Variants in ALK observed in about 807,000 individuals in gnomAD.
ALK encodes the protein ALK tyrosine kinase receptor.
ALK carries 74 observed loss-of-function variants against 163.1 expected under a neutral mutation model. The ratio of observed to expected loss-of-function variants is 0.45; its 90% confidence interval spans 0.38 to 0.55. The LOEUF (loss-of-function observed/expected upper bound fraction) is 0.55, where lower values mean the gene tolerates loss of function less well. ALK is among the 20% of genes least tolerant of loss of function. The pLI is 0.00. For synonymous variants in ALK, 960 were observed against 843.2 expected (o/e 1.14, Z -2.40); for missense variants, 2,063 against 2,105.3 (o/e 0.98, Z 0.39).
At chr2:29,780,827 G>A (rs1353994528) in intron 1 of ALK, among the ~76,000 whole-genome samples, 1 of 152,196 alleles carries the variant, frequency 6.6e-6, no homozygotes, top group Non-Finnish European at 1.5e-5. Context: ...TCATTATATG[G>A]AAACCTAAGC....
At chr2:29,743,666 C>T (rs1680124424) in intron 1 of ALK, among the ~76,000 whole-genome samples, 1 of 152,178 alleles carries the variant, frequency 6.6e-6, no homozygotes. Flanking sequence ...AATGATAAAA[C>T]ACACAGCATC....
chr2:29,434,729 A>C (rs542191271), intron 4 of ALK, among the ~76,000 whole-genome samples: 3 of 152,336 alleles, frequency 2.0e-5, no homozygotes, highest in African/African-American at 7.2e-5. Context: ...GGCATTGATC[A>C]GCCCCCAACA....
intron 4 of ALK, among the ~76,000 whole-genome samples, chr2:29,473,180 T>C (rs1258057075): frequency 6.6e-6 from 1 of 152,224 alleles, no homozygotes; most frequent in Non-Finnish European, 1.5e-5. Context: ...GAGAAGTTTG[T>C]CTTCTCTGAA....
chr2:29,592,475 G>A (rs555148082), intron 3 of ALK, among the ~76,000 whole-genome samples: 1 of 152,288 alleles, frequency 6.6e-6, no homozygotes, highest in Non-Finnish European at 1.5e-5. Context: ...CAAACTTGGT[G>A]GGAGAAGGGA....
chr2:29,421,193 A>G lies in ALK; in HGVS notation c.1155-37334T>C, dbSNP rs1039627630. On this transcript the variant is annotated intron_variant, in intron 4 of 28. Transcript: ENST00000389048. The stretch of plus-strand genomic sequence containing the variant: ...GCAGATCCTTCAATCCACAAGGCCA[A>G]CATAGCAGTGAGTGGCAAATCTGTC... Among the ~76,000 whole-genome samples, 104 of 151,502 alleles carry G rather than the reference A, an allele frequency of 6.9e-4. 4 individuals carry two copies. Among genetic ancestry groups the G allele is most frequent in the African/African-American group, 2.5e-3 (102 of 40,788 alleles).
At chr2:29,569,614 C>T (rs1015458295) in intron 3 of ALK, among the ~76,000 whole-genome samples, 5 of 152,070 alleles carry the variant, frequency 3.3e-5, no homozygotes, top group Admixed American at 1.3e-4. Flanking sequence ...CAGATGAGGA[C>T]GTGGCAGCAC....
chr2:29,750,709 C>CAGGCAGGAAGGA (rs1558471782), intron 1 of ALK, among the ~76,000 whole-genome samples: 1 of 109,928 alleles, frequency 9.1e-6, no homozygotes, highest in African/African-American at 3.5e-5. Context: ...GGCAGGCAGG[C>CAGGCAGGAAGGA]AGGAAGGAAG....
intron 4 of ALK, among the ~76,000 whole-genome samples, chr2:29,409,035 G>A (rs949578999): frequency 6.6e-6 from 1 of 152,196 alleles, no homozygotes; most frequent in Non-Finnish European, 1.5e-5. Context: ...CCAGGGACTT[G>A]TTTTGTTGTA....
chr2:29,849,911 TTTTA>T (rs1192567104), intron 1 of ALK, among the ~76,000 whole-genome samples: 1 of 152,182 alleles, frequency 6.6e-6, no homozygotes, highest in East Asian at 1.9e-4. Context: ...AGTATTCTTT[TTTTA>T]TTTGTTTCCA....
intron 4 of ALK, among the ~76,000 whole-genome samples, chr2:29,444,144 C>T (rs758054297): frequency 1.3e-5 from 2 of 152,172 alleles, no homozygotes; most frequent in South Asian, 2.1e-4. Flanking sequence ...AACAGTCCTA[C>T]GTGGGGAGGC....
intron 2 of ALK, among the ~76,000 whole-genome samples, chr2:29,715,817 T>C (rs1679233489): frequency 6.6e-6 from 1 of 152,204 alleles, no homozygotes; most frequent in Admixed American, 6.5e-5. Flanking sequence ...AAGATGACAC[T>C]CAGTGTCTGG....
At position 29,738,243 on chromosome 2, in the gene ALK, G is replaced by A. The variant is rs1052287399; in HGVS notation, c.668-20546C>T. Reference sequence around the variant, plus strand: ...CCGAGCATCACGCCAAAAAGTCCCAGCCCCCATGGACCTTGGAGTCCATAT... The same window carrying A: ...CCGAGCATCACGCCAAAAAGTCCCAACCCCCATGGACCTTGGAGTCCATAT... On this transcript the variant is annotated intron_variant, in intron 1 of 28. Coordinates refer to ENST00000389048, the MANE Select transcript of ALK (RefSeq NM_004304.5). Among the ~76,000 whole-genome samples, 5 of 151,912 alleles carry A rather than the reference G, an allele frequency of 3.3e-5. 1 individual carries two copies. The highest frequency in any genetic ancestry group is 1.2e-4 in the African/African-American group (5 of 41,272).
intron 3 of ALK, among the ~76,000 whole-genome samples, chr2:29,607,314 C>G (rs1003096015): frequency 6.6e-6 from 1 of 152,142 alleles, no homozygotes; most frequent in Non-Finnish European, 1.5e-5. Context: ...TGTCATCATA[C>G]TTTCTCTCCT....
intron 1 of ALK, among the ~76,000 whole-genome samples, chr2:29,838,636 A>T (rs1021891388): frequency 1.3e-5 from 2 of 152,198 alleles, no homozygotes. Context: ...TATCTTTCAG[A>T]TATTATGATA....
chr2:29,281,129 T>G (rs1171881063), intron 9 of ALK, among the ~76,000 whole-genome samples: 1 of 152,224 alleles, frequency 6.6e-6, no homozygotes, highest in Non-Finnish European at 1.5e-5. Context: ...TGTAGACCAC[T>G]CTGGGACTGA....
chr2:29,509,659 C>T (rs1672455100), intron 4 of ALK, among the ~76,000 whole-genome samples: 1 of 152,178 alleles, frequency 6.6e-6, no homozygotes, highest in South Asian at 2.1e-4. Context: ...ATCAAAGACA[C>T]ATAGTTGGAA....
intron 3 of ALK, among the ~76,000 whole-genome samples, chr2:29,543,320 A>G (rs1362798950): frequency 6.6e-6 from 1 of 152,218 alleles, no homozygotes; most frequent in African/African-American, 2.4e-5. Flanking sequence ...AGTCCCTCAC[A>G]TTTAAACAGG....
chr2:29,358,482 C>T (rs1045972397), intron 5 of ALK, among the ~76,000 whole-genome samples: 4 of 152,188 alleles, frequency 2.6e-5, no homozygotes, highest in African/African-American at 9.6e-5. Context: ...TAAGGCTCTC[C>T]ATCTTGTTTG....
At chr2:29,742,229 C>G (rs1680082290) in intron 1 of ALK, among the ~76,000 whole-genome samples, 1 of 152,232 alleles carries the variant, frequency 6.6e-6, no homozygotes, top group Non-Finnish European at 1.5e-5. Context: ...GAGATGCCAT[C>G]TTAATCCTAA....
Sources: gnomAD v4.1 joint callset for allele counts (sites outside exome capture counted in the v4.1 genomes callset) on GRCh38, gnomAD v4.1.1 for gene constraint, MANE v1.5 for transcripts, NCBI Gene and HGNC (gene_info 2026-07-23, HGNC 2026-07-21) for gene names.